Variants in PLEKHS1 observed in about 807,000 individuals in gnomAD.
PLEKHS1 encodes pleckstrin homology domain-containing family S member 1.
In PLEKHS1, 55 loss-of-function variants were observed where a neutral mutation model predicts 51.0. The observed-to-expected ratio is 1.08, with a 90% CI of 0.87 to 1.35. The LOEUF (loss-of-function observed/expected upper bound fraction) is 1.35, where lower values mean the gene tolerates loss of function less well. Ranked by LOEUF, PLEKHS1 falls within the 40% of genes most tolerant of loss-of-function variation. PLEKHS1 has a pLI of 0.00. For missense variants in PLEKHS1, 398 were observed against 423.0 expected (o/e 0.94, Z 0.52); for synonymous variants, 153 against 144.8 (o/e 1.06, Z -0.41).
chr10:113,762,504 G>A (rs1843987493), intron 2 of PLEKHS1, among the ~76,000 whole-genome samples: 1 of 149,430 alleles, frequency 6.7e-6, no homozygotes, highest in East Asian at 2.0e-4. Flanking sequence ...CCTAAGTACT[G>A]CTTTAGTGGC....
intron 10 of PLEKHS1, 109 bp downstream of exon 10, chr10:113,775,144 C>A: frequency 9.9e-7 from 1 of 1,014,880 alleles, no homozygotes; most frequent in Non-Finnish European, 1.4e-6. Flanking sequence ...CTAAAAATCT[C>A]CAAGTCAGCC....
intron 2 of PLEKHS1, chr10:113,765,137 C>T (rs1038540646): frequency 2.0e-5 from 8 of 404,646 alleles, no homozygotes; most frequent in Non-Finnish European, 3.5e-5. Flanking sequence ...CCAAACATCG[C>T]AAATTTTACC....
intron 1 of PLEKHS1, among the ~76,000 whole-genome samples, chr10:113,752,242 C>A (rs2134450773): frequency 6.6e-6 from 1 of 152,314 alleles, no homozygotes; most frequent in Non-Finnish European, 1.5e-5. Context: ...ATAACCATTT[C>A]CTCGTCTGTA....
At chr10:113,767,235 C>G (rs1036012125) in intron 4 of PLEKHS1, 110 bp from the exon 5 acceptor site, 2 of 759,060 alleles carry the variant, frequency 2.6e-6, no homozygotes, top group Admixed American at 8.0e-5. Flanking sequence ...ATCTTGGAAA[C>G]ATGGATCCAG....
chr10:113,776,001 G>A (rs1467856143), intron 11 of PLEKHS1, 135 bp downstream of exon 11: 12 of 567,018 alleles, frequency 2.1e-5, no homozygotes, highest in South Asian at 3.7e-5. Flanking sequence ...TTGACTGGCT[G>A]TTGTTACAAA....
chr10:113,770,948 C>T (rs1844374945), intron 7 of PLEKHS1, among the ~76,000 whole-genome samples: 5 of 152,222 alleles, frequency 3.3e-5, no homozygotes, highest in Admixed American at 3.3e-4. Context: ...CATGATCCGG[C>T]TCCATGAGCT....
chr10:113,776,631 T>A (rs1025375271), intron 11 of PLEKHS1, among the ~76,000 whole-genome samples: 2 of 152,232 alleles, frequency 1.3e-5, no homozygotes, highest in African/African-American at 2.4e-5. Flanking sequence ...CATTATATAT[T>A]CATTGTATAA....
intron 2 of PLEKHS1, among the ~76,000 whole-genome samples, chr10:113,759,118 A>C (rs1286200785): frequency 6.6e-6 from 1 of 152,180 alleles, no homozygotes; most frequent in East Asian, 1.9e-4. Flanking sequence ...AAGATGGTAA[A>C]TGTGGCCGGG....
At chr10:113,760,485 G>A (rs1354455211) in intron 2 of PLEKHS1, among the ~76,000 whole-genome samples, 1 of 151,824 alleles carries the variant, frequency 6.6e-6, no homozygotes, top group Non-Finnish European at 1.5e-5. Context: ...AAAAAAAAAA[G>A]AAAAAAGTTA....
chr10:113,755,466 C>G (rs778554710), intron 2 of PLEKHS1, 161 bp downstream of exon 2: 14 of 1,319,706 alleles, frequency 1.1e-5, no homozygotes, highest in Non-Finnish European at 1.4e-5. Flanking sequence ...GGCTGGAGTA[C>G]AGTGGCACGA....
At chr10:113,758,413 T>C (rs143952916) in intron 2 of PLEKHS1, among the ~76,000 whole-genome samples, 103 of 152,312 alleles carry the variant, frequency 6.8e-4, no homozygotes, top group South Asian at 1.9e-3. Context: ...CAATGATCAG[T>C]AATATTTTGA....
intron 11 of PLEKHS1, among the ~76,000 whole-genome samples, chr10:113,779,371 C>T (rs1366086911): frequency 6.6e-6 from 1 of 152,076 alleles, no homozygotes; most frequent in Non-Finnish European, 1.5e-5. Context: ...GAATTCGAGA[C>T]CAGCCTGGCC....
At chr10:113,775,895 T>C in intron 11 of PLEKHS1, 29 bp downstream of exon 11, 1 of 1,498,078 alleles carries the variant, frequency 6.7e-7, no homozygotes, top group Non-Finnish European at 9.2e-7. Context: ...TGTTGTGGAT[T>C]ATAAATGGGG....
chr10:113,774,069 G>A (rs958552346), intron 8 of PLEKHS1, among the ~76,000 whole-genome samples, 158 bp from the exon 9 acceptor site: 4 of 152,162 alleles, frequency 2.6e-5, no homozygotes, highest in African/African-American at 7.2e-5. Flanking sequence ...TCAGTCTCGC[G>A]GAGGTAAGGT....
In PLEKHS1 at chr10:113,755,293, C is replaced by T; in HGVS notation, c.16C>T (p.Gln6Ter). 1.1e-5 allele frequency: 18 copies of T among 1,608,232 alleles called. No individual in the cohort carries two copies. The highest frequency in any genetic ancestry group is 1.4e-5 in the Non-Finnish European group (17 of 1,177,642). Residue 6 changes from glutamine (Q) to a stop codon, truncating the protein, a stop_gained, in exon 2 of 12, where the codon CAG becomes TAG. Coordinates refer to ENST00000361048, the Ensembl canonical transcript of PLEKHS1. LOFTEE classifies it high-confidence loss of function. ...CACAGCCATCATGGAACCCAAACCT[C>T]AGAAGAGTCCAGGTACCCGAGGGGT...
At chr10:113,774,875 C>G in exon 10 of PLEKHS1, 1 of 1,614,124 alleles carries the variant, frequency 6.2e-7, no homozygotes, top group Non-Finnish European at 8.5e-7. Context: ...CAAAGAGGAA[C>G]CCCAGACCCT....
At chr10:113,753,075 T>C (rs1176674756) in intron 1 of PLEKHS1, among the ~76,000 whole-genome samples, 2 of 152,198 alleles carry the variant, frequency 1.3e-5, no homozygotes, top group Non-Finnish European at 2.9e-5. Context: ...AAAATGATTT[T>C]TTGGCTTTTT....
intron 11 of PLEKHS1, chr10:113,777,557 GCTCCTTCAACCAA>G: frequency 1.3e-6 from 2 of 1,551,190 alleles, no homozygotes. Flanking sequence ...TTCCAAAACA[GCTCCTTCAACCAA>G]TTTGTGCCTC....
intron 5 of PLEKHS1, 31 bp from the exon 6 acceptor site, chr10:113,768,784 A>G (rs771856359): frequency 1.3e-6 from 2 of 1,570,174 alleles, no homozygotes; most frequent in South Asian, 1.1e-5. Flanking sequence ...TTGTTGCCAC[A>G]TGCCAACTGA....
Sources: gnomAD v4.1 joint callset for allele counts (sites outside exome capture counted in the v4.1 genomes callset) on GRCh38, gnomAD v4.1.1 for gene constraint, MANE v1.5 for transcripts, NCBI Gene and HGNC (gene_info 2026-07-23, HGNC 2026-07-21) for gene names.